The following CSMD1 variants were observed in gnomAD, a reference collection of about 807,000 sequenced individuals.
CSMD1 encodes the protein CUB and sushi domain-containing protein 1.
A neutral mutation model predicts 417.5 loss-of-function variants in CSMD1; 213 were observed. That is an observed-to-expected ratio of 0.51 (90% confidence interval 0.46 to 0.57). The LOEUF (loss-of-function observed/expected upper bound fraction) is 0.57. CSMD1 is among the 20% of genes least tolerant of loss of function. The pLI, the probability that CSMD1 is intolerant of heterozygous loss-of-function variation, is 0.00. For missense variants in CSMD1, 6,923 were observed against 4,529.7 expected, an observed-to-expected ratio of 1.53 and a Z score of -15.17; for synonymous variants, 2,862 against 1,736.8, an observed-to-expected ratio of 1.65 and a Z score of -16.11.
rs1376095635 is a variant in CSMD1, at chr8:4,782,029, C to T, written c.86-144471G>A. ...CCTCTATTTATGCACCTTTCTCAGT[C>T]CAAAATTATAGCCCACTAAACACCA... On this transcript the variant is annotated intron_variant, in intron 1 of 69. Coordinates refer to ENST00000635120, the MANE Select transcript of CSMD1 (RefSeq NM_033225.6). 2.0e-5 allele frequency among the ~76,000 whole-genome samples: 3 copies of T among 152,148 alleles called. No homozygotes were observed. In the East Asian group the frequency reaches 5.8e-4, roughly 29 times the overall value.
At chr8:4,582,650 A>C (rs756661389) in intron 2 of CSMD1, among the ~76,000 whole-genome samples, 9 of 152,186 alleles carry the variant, frequency 5.9e-5, no homozygotes, top group Non-Finnish European at 1.2e-4. Flanking sequence ...TCATAGTGAG[A>C]GGTGACAGCA....
intron 2 of CSMD1, among the ~76,000 whole-genome samples, chr8:4,423,193 G>T (rs1262603797): frequency 1.3e-5 from 2 of 152,192 alleles, no homozygotes; most frequent in Non-Finnish European, 2.9e-5. Context: ...TCAATATCGT[G>T]CTGGAATATC....
chr8:3,570,142 G>C (rs1274933319), intron 10 of CSMD1, among the ~76,000 whole-genome samples: 3 of 152,154 alleles, frequency 2.0e-5, no homozygotes, highest in African/African-American at 7.2e-5. Flanking sequence ...TCCACTTTAA[G>C]AAATCAAAGA....
At position 4,420,002 on chromosome 8, in the gene CSMD1, G is replaced by A. The variant is rs745967499; in HGVS notation, c.366C>T (p.Phe122=). The part of the protein sequence containing the change: ...VSTGSILTLW[F]TTDFAVSAQG... ...GGGCACTCACAGCGAAGTCTGTCGTGAACCACAGAGTGAGGATAGATCCTG... is the reference window on the plus strand; with the variant it reads ...GGGCACTCACAGCGAAGTCTGTCGTAAACCACAGAGTGAGGATAGATCCTG... The change falls in exon 3 of 70, where the codon TTC becomes TTT. Residue 122 remains phenylalanine, a synonymous_variant. Transcript: ENST00000635120. 6.3e-7 allele frequency: 1 copy of A among 1,588,992 alleles called. No homozygotes were observed. Among genetic ancestry groups the A allele is most frequent in the Non-Finnish European group, 8.6e-7 (1 of 1,166,688 alleles).
chr8:4,525,316 T>C (rs1663426174), intron 2 of CSMD1, among the ~76,000 whole-genome samples: 1 of 152,114 alleles, frequency 6.6e-6, no homozygotes, highest in Admixed American at 6.5e-5. Flanking sequence ...TGGCCAAGGC[T>C]CCCGGCATGG....
chr8:4,487,967 T>C (rs116828098), intron 2 of CSMD1, among the ~76,000 whole-genome samples: 3 of 152,168 alleles, frequency 2.0e-5, no homozygotes, highest in African/African-American at 7.2e-5. Flanking sequence ...CTCCGAAATG[T>C]ATATGTGAAA....
intron 7 of CSMD1, among the ~76,000 whole-genome samples, chr8:3,618,510 A>C (rs1347679870): frequency 6.6e-6 from 1 of 151,942 alleles, no homozygotes; most frequent in East Asian, 1.9e-4. Context: ...TTGCTGCATG[A>C]TGTGACAATT....
At chr8:3,061,806 T>G (rs938554942) in intron 49 of CSMD1, among the ~76,000 whole-genome samples, 5 of 152,244 alleles carry the variant, frequency 3.3e-5, no homozygotes, top group Non-Finnish European at 5.9e-5. Flanking sequence ...TTACTTCATT[T>G]AATCTTGGTA....
At chr8:3,631,226 G>C (rs918785710) in intron 7 of CSMD1, among the ~76,000 whole-genome samples, 1 of 152,118 alleles carries the variant, frequency 6.6e-6, no homozygotes, top group African/African-American at 2.4e-5. Flanking sequence ...TGGACAGCAC[G>C]TAACACGATC....
At chr8:3,406,366 AG>A (rs71199572) in intron 14 of CSMD1, 145 bp from the exon 15 acceptor site, 2 of 590,416 alleles carry the variant, frequency 3.4e-6, no homozygotes, top group African/African-American at 1.9e-5. Flanking sequence ...ATTCATAGAT[AG>A]ATAATACATT....
At chr8:3,638,265 T>G (rs1470933019) in intron 7 of CSMD1, among the ~76,000 whole-genome samples, 1 of 152,146 alleles carries the variant, frequency 6.6e-6, no homozygotes, top group Admixed American at 6.5e-5. Context: ...ATAAATAACA[T>G]GTACACCATA....
rs140751399 is a variant in CSMD1 at position 3,012,096 on chromosome 8, C to T, written c.8029+6381G>A. Among the ~76,000 whole-genome samples, 11 of 152,272 alleles carry T rather than the reference C, an allele frequency of 7.2e-5. No homozygotes were observed. In the East Asian group the frequency reaches 1.4e-3, roughly 19 times the overall value. On this transcript the variant is annotated intron_variant, in intron 52 of 69. Coordinates refer to ENST00000635120, the MANE Select transcript of CSMD1 (RefSeq NM_033225.6). The stretch of plus-strand genomic sequence containing the variant: ...GAACTCTGGGAGATCCCAGTAATAA[C>T]GCAGGAGTGATCGTGTTGATGAAGG...
chr8:4,737,750 C>CAATA (rs759097119), intron 1 of CSMD1, among the ~76,000 whole-genome samples: 13 of 152,050 alleles, frequency 8.5e-5, no homozygotes, highest in Non-Finnish European at 1.8e-4. Flanking sequence ...AATGCAAAGG[C>CAATA]AATAGAAAGG....
intron 5 of CSMD1, among the ~76,000 whole-genome samples, chr8:3,792,655 C>T (rs1373164362): frequency 6.6e-6 from 1 of 152,110 alleles, no homozygotes; most frequent in African/African-American, 2.4e-5. Flanking sequence ...TGCCATGTTA[C>T]AGAAAACAAA....
At chr8:4,670,462 T>A (rs1386002630) in intron 1 of CSMD1, among the ~76,000 whole-genome samples, 1 of 152,218 alleles carries the variant, frequency 6.6e-6, no homozygotes, top group Non-Finnish European at 1.5e-5. Flanking sequence ...GTGAGCTAGA[T>A]ACGTGGTGGT....
At chr8:4,945,668 CTT>C (rs1307581570) in intron 1 of CSMD1, among the ~76,000 whole-genome samples, 1 of 151,944 alleles carries the variant, frequency 6.6e-6, no homozygotes, top group Non-Finnish European at 1.5e-5. Context: ...GGAAAGGAGA[CTT>C]TTTTCAAGAG....
intron 50 of CSMD1, among the ~76,000 whole-genome samples, chr8:3,041,869 C>T (rs984480772): frequency 1.3e-5 from 2 of 152,172 alleles, no homozygotes; most frequent in African/African-American, 4.8e-5. Flanking sequence ...TGCTTTAAAG[C>T]AGTACAGTAC....
chr8:4,436,600 G>A (rs996583062), intron 2 of CSMD1, among the ~76,000 whole-genome samples: 1 of 152,054 alleles, frequency 6.6e-6, no homozygotes, highest in African/African-American at 2.4e-5. Context: ...ATCCTGCTGT[G>A]CAAGCAAATA....
At chr8:4,546,906 C>T (rs1034721619) in intron 2 of CSMD1, among the ~76,000 whole-genome samples, 1 of 152,084 alleles carries the variant, frequency 6.6e-6, no homozygotes, top group East Asian at 1.9e-4. Context: ...AGATCCCTAA[C>T]ACACCATCCC....
Sources: allele counts gnomAD v4.1 joint callset (sites outside exome capture counted in the v4.1 genomes callset), GRCh38; gene constraint gnomAD v4.1.1; transcripts MANE v1.5; gene names NCBI Gene and HGNC (gene_info 2026-07-23, HGNC 2026-07-21).